Variants in NAV2 observed in about 807,000 individuals in gnomAD.
The protein encoded by NAV2 is helicase, APC down-regulated 1.
A neutral mutation model predicts 223.2 loss-of-function variants in NAV2; 54 were observed. The observed-to-expected ratio is 0.24, with a 90% CI of 0.19 to 0.30. NAV2 has a LOEUF of 0.30. NAV2 is among the 10% of genes least tolerant of loss of function. NAV2 has a pLI of 1.00. For synonymous variants in NAV2, 1,279 were observed against 1,239.3 expected, an observed-to-expected ratio of 1.03 and a Z score of -0.67; for missense variants, 2,806 against 3,147.5, an observed-to-expected ratio of 0.89 and a Z score of 2.60.
In NAV2 at chr11:19,939,743, A is replaced by G; in HGVS notation, c.2116A>G (p.Thr706Ala). ...CGTGGAGCCCAGCCACTTCACCAAG[A>G]CTGGACAGCCTGCTCTGGAAGAACT... ...VSVEPSHFTK[T>A]GQPALEELTG... The change falls in exon 8 of 38, where the codon ACT becomes GCT. Residue 706 changes from threonine to alanine, a missense_variant. Physicochemically the swap from Thr to Ala is moderately conservative, Grantham distance 58. Coordinates refer to ENST00000349880, the MANE Select transcript of NAV2 (RefSeq NM_145117.5). 1.2e-6 allele frequency: 2 copies of G among 1,614,116 alleles called. No homozygotes were observed. The highest frequency in any genetic ancestry group is 1.7e-6 in the Non-Finnish European group (2 of 1,180,002).
intron 1 of NAV2, among the ~76,000 whole-genome samples, chr11:19,774,862 G>C (rs1191955960): frequency 5.3e-5 from 8 of 152,078 alleles, no homozygotes. Context: ...ACCATGAGTG[G>C]TATTTTTTCA....
intron 1 of NAV2, among the ~76,000 whole-genome samples, chr11:19,649,633 C>T (rs2047910795): frequency 1.3e-5 from 2 of 152,136 alleles, no homozygotes; most frequent in South Asian, 4.2e-4. Context: ...GCCTTCATGA[C>T]CTAATCACCT....
At chr11:19,643,987 T>A (rs149064818) in intron 1 of NAV2, among the ~76,000 whole-genome samples, 37 of 152,350 alleles carry the variant, frequency 2.4e-4, no homozygotes, top group African/African-American at 8.4e-4. Flanking sequence ...CATCTCCATG[T>A]AGATAAATGC....
intron 1 of NAV2, among the ~76,000 whole-genome samples, chr11:19,629,543 A>G (rs1295215633): frequency 1.0e-4 from 4 of 39,144 alleles, no homozygotes; most frequent in Admixed American, 5.7e-4. Flanking sequence ...TCTCTCTCTG[A>G]CACACACACA....
At chr11:20,098,828 A>G (rs1592140442) in intron 31 of NAV2, among the ~76,000 whole-genome samples, 1 of 152,226 alleles carries the variant, frequency 6.6e-6, no homozygotes, top group Non-Finnish European at 1.5e-5. Context: ...ATCCAGGGGT[A>G]CACCTCAAGC....
intron 1 of NAV2, among the ~76,000 whole-genome samples, chr11:19,427,774 A>T (rs1388947833): frequency 2.0e-5 from 3 of 152,216 alleles, no homozygotes; most frequent in African/African-American, 7.2e-5. Flanking sequence ...AGTGAAGCCG[A>T]ATATCTTCCG....
intron 3 of NAV2, among the ~76,000 whole-genome samples, chr11:19,851,335 G>A (rs984573389): frequency 6.6e-6 from 1 of 152,198 alleles, no homozygotes; most frequent in Non-Finnish European, 1.5e-5. Flanking sequence ...GACATGGAAA[G>A]GCAGACATTC....
At chr11:19,491,694 G>A (rs2042631377) in intron 1 of NAV2, among the ~76,000 whole-genome samples, 1 of 152,188 alleles carries the variant, frequency 6.6e-6, no homozygotes, top group Non-Finnish European at 1.5e-5. Context: ...TCACTTGTGT[G>A]TTCACTGGAA....
Position 19,713,664 on chromosome 11 carries a change from A to T in NAV2, c.-32A>T, listed in dbSNP as rs2050025480. 1.3e-6 allele frequency: 2 copies of T among 1,508,566 alleles called. No individual in the cohort carries two copies. The highest frequency in any genetic ancestry group is 8.9e-7 in the Non-Finnish European group (1 of 1,127,252). 93.4% of individuals were successfully genotyped at this position (1,508,566 alleles called of 1,614,324 possible). A position where few individuals can be genotyped will look rare whatever the true frequency, so the allele number is the denominator to read the frequency against. Reference sequence around the variant, plus strand: ...GTCGCCCCCGCCGCCGCTGCCAGGGACGTGCTGGGAAAGCCCAAGCCCCGG... The same window carrying T: ...GTCGCCCCCGCCGCCGCTGCCAGGGTCGTGCTGGGAAAGCCCAAGCCCCGG... On this transcript the variant is annotated 5_prime_UTR_variant, in exon 1 of 38. Coordinates refer to ENST00000349880, the MANE Select transcript of NAV2 (RefSeq NM_145117.5). The surrounding 1 kb of genome is among the most constrained non-coding windows in gnomAD (Gnocchi z 7.2).
intron 1 of NAV2, among the ~76,000 whole-genome samples, chr11:19,619,732 T>A (rs993116419): frequency 3.3e-5 from 5 of 152,230 alleles, no homozygotes; most frequent in South Asian, 2.1e-4. Flanking sequence ...CTGATGGTAG[T>A]TTCTTTTGCT....
At chr11:19,817,575 TGG>T (rs1161674685) in intron 1 of NAV2, among the ~76,000 whole-genome samples, 4 of 151,948 alleles carry the variant, frequency 2.6e-5, no homozygotes, top group Non-Finnish European at 5.9e-5. Flanking sequence ...AAATTGAGGA[TGG>T]TCAGTGTTTG....
At chr11:19,758,554 T>G (rs948901466) in intron 1 of NAV2, among the ~76,000 whole-genome samples, 3 of 152,098 alleles carry the variant, frequency 2.0e-5, no homozygotes, top group Admixed American at 1.3e-4. Context: ...CACCAATGTA[T>G]GGAAGGAGAC....
At chr11:19,866,068 A>G (rs117818525) in intron 3 of NAV2, among the ~76,000 whole-genome samples, 97 of 152,360 alleles carry the variant, frequency 6.4e-4, no homozygotes, top group Admixed American at 1.4e-3. Context: ...ATCACGTAAT[A>G]CTTGCTAAAA....
intron 1 of NAV2, among the ~76,000 whole-genome samples, chr11:19,451,138 A>T (rs1049056862): frequency 8.5e-5 from 13 of 152,154 alleles, no homozygotes; most frequent in Admixed American, 1.3e-4. Flanking sequence ...GTATGAAAGA[A>T]GCTGACGGGA....
At chr11:19,374,738 G>A (rs1464848258) in intron 1 of NAV2, among the ~76,000 whole-genome samples, 5 of 152,140 alleles carry the variant, frequency 3.3e-5, no homozygotes, top group Non-Finnish European at 5.9e-5. Flanking sequence ...GGAGAGATCA[G>A]GATGTGGACA....
At chr11:19,891,577 T>A (rs375905977) in intron 5 of NAV2, among the ~76,000 whole-genome samples, 49 of 152,332 alleles carry the variant, frequency 3.2e-4, no homozygotes, top group East Asian at 2.5e-3. Context: ...ATATATGATG[T>A]TATCCATCTA....
chr11:19,538,675 CT>C (rs67465066), intron 1 of NAV2, among the ~76,000 whole-genome samples: 18,156 of 148,162 alleles, frequency 0.12, 1,250 homozygotes, highest in African/African-American at 0.18. Context: ...TTATAACTTT[CT>C]TTTTTTTTTA....
chr11:19,483,957 G>A (rs2632022), intron 1 of NAV2, among the ~76,000 whole-genome samples: 1,840 of 152,142 alleles, frequency 0.012, 35 homozygotes, highest in African/African-American at 0.043. Flanking sequence ...TAACTCAACG[G>A]GCCTTATCCA....
At chr11:19,956,082 G>A (rs1344268342) in intron 10 of NAV2, among the ~76,000 whole-genome samples, 1 of 152,164 alleles carries the variant, frequency 6.6e-6, no homozygotes, top group Non-Finnish European at 1.5e-5. Context: ...CAGCCAGTGG[G>A]CTGGTCTCAG....
Sources: allele counts gnomAD v4.1 joint callset (sites outside exome capture counted in the v4.1 genomes callset), GRCh38; gene constraint gnomAD v4.1.1; non-coding constraint Gnocchi (gnomAD v3.1); transcripts MANE v1.5; gene names NCBI Gene and HGNC (gene_info 2026-07-23, HGNC 2026-07-21).